The following TTC38 variants were observed in gnomAD, a reference collection of about 807,000 sequenced individuals.
TTC38 encodes tetratricopeptide repeat protein 38.
TTC38 carries 64 observed loss-of-function variants against 64.2 expected under a neutral mutation model. That is an observed-to-expected ratio of 1.00 (90% CI 0.81 to 1.23). The LOEUF (loss-of-function observed/expected upper bound fraction) is 1.23, where lower values mean the gene tolerates loss of function less well. Among genes scored for constraint, TTC38 ranks in the 50% most tolerant of loss-of-function variants. TTC38 has a pLI of 0.00. For synonymous variants in TTC38, 254 were observed against 249.3 expected (o/e 1.02, Z -0.18); for missense variants, 573 against 615.5 (o/e 0.93, Z 0.73).
rs1936959579 is a variant in TTC38, at chr22:46,274,182, C to T, written c.365+113C>T. On this transcript the variant is annotated intron_variant, in intron 4 of 13. Coordinates refer to ENST00000381031, the MANE Select transcript of TTC38 (RefSeq NM_017931.4). This position sits in a 1 kb window ranked among gnomAD's most constrained non-coding sequence, Gnocchi z 4.8. ...GGGGGCGGGGTGGGAGAATGCTTCT[C>T]TCCCTGCCTCCTGAGATGCTCTGAT... is the stretch of plus-strand genomic sequence containing the variant. The T allele has an allele frequency of 1.3e-5, 12 of 913,390 alleles. No homozygotes were observed. The highest frequency in any genetic ancestry group is 2.3e-5 in the Admixed American group (1 of 42,806). 56.6% of individuals were successfully genotyped at this position (913,390 alleles called of 1,614,324 possible).
rs1449471232 is a variant in TTC38 at position 46,273,011 on chromosome 22, T to A, written c.193+595T>A. On this transcript the variant is annotated intron_variant, in intron 3 of 13. Transcript: ENST00000381031. The surrounding 1 kb of genome is among the most constrained non-coding windows in gnomAD (Gnocchi z 5.1). ...AGAAGGTCTGATGAGGGGACAGGGC[T>A]CTTGTCAGTGCGGCAGGGACACCCT... Among the ~76,000 whole-genome samples the A allele has an allele frequency of 1.3e-5, 2 of 152,144 alleles. No homozygotes were observed. Among genetic ancestry groups the A allele is most frequent in the Non-Finnish European group, 2.9e-5 (2 of 68,008 alleles).
In TTC38 at chr22:46,281,933, CCA is replaced by C; in HGVS notation, c.735+217_735+218del. On this transcript the variant is annotated intron_variant, in intron 7 of 13. Coordinates refer to ENST00000381031, the MANE Select transcript of TTC38 (RefSeq NM_017931.4). The surrounding 1 kb of genome is among the most constrained non-coding windows in gnomAD (Gnocchi z 5.2). ...AGGCCCATACCTTGCCCTAGGGACT[CCA>C]CTGAGGGTCCAGCCCAGACTTCTCT... 1.5e-6 allele frequency: 1 copy of C among 684,596 alleles called. No homozygotes were observed. The highest frequency in any genetic ancestry group is 1.6e-5 in the South Asian group (1 of 63,662). 42.4% of individuals were successfully genotyped at this position (684,596 alleles called of 1,614,324 possible). A position where few individuals can be genotyped will look rare whatever the true frequency, so the allele number is the denominator to read the frequency against.
chr22:46,289,253 A>G (rs1281655851), intron 11 of TTC38, 149 bp from the exon 12 acceptor site: 1 of 1,031,894 alleles, frequency 9.7e-7, no homozygotes, highest in African/African-American at 1.6e-5. Context: ...TGTCCCCTCG[A>G]TGGGCTGCCC....
intron 11 of TTC38, among the ~76,000 whole-genome samples, chr22:46,288,905 C>T (rs2077591421): frequency 6.6e-6 from 1 of 152,230 alleles, no homozygotes; most frequent in Admixed American, 6.5e-5. Flanking sequence ...GCCCTGAAGC[C>T]AGAGACACCT....
At position 46,276,057 on chromosome 22, in the gene TTC38, A is replaced by G. The variant is rs756781898; in HGVS notation, c.539+636A>G. ...ACTGACTTCACTGCAGCTTCATTAC[A>G]GAATAGTTGTGAGGTTCGGACAGGT... is the stretch of plus-strand genomic sequence containing the variant. On this transcript the variant is annotated intron_variant, in intron 5 of 13. Transcript: ENST00000381031. This position sits in a 1 kb window ranked among gnomAD's most constrained non-coding sequence, Gnocchi z 4.7. 6.6e-6 allele frequency among the ~76,000 whole-genome samples: 1 copy of G among 152,218 alleles called. No individual in the cohort carries two copies. Among genetic ancestry groups the G allele is most frequent in the Non-Finnish European group, 1.5e-5 (1 of 68,040 alleles).
At chr22:46,268,399 GC>G in intron 1 of TTC38, 114 bp from the exon 2 acceptor site, 1 of 1,154,314 alleles carries the variant, frequency 8.7e-7, no homozygotes, top group South Asian at 1.3e-5. Context: ...GGGAGCCTGA[GC>G]CCATTTTACA....
rs368460103 is a variant in TTC38, at chr22:46,281,658, G to A, written c.675G>A (p.Glu225=). 4.3e-6 allele frequency: 7 copies of A among 1,614,060 alleles called. No homozygotes were observed. The highest frequency in any genetic ancestry group is 2.7e-5 in the African/African-American group (2 of 74,936). Residue 225 remains glutamate (E), a synonymous_variant, in exon 7 of 14, where the codon GAG becomes GAA. Transcript: ENST00000381031. This position sits in a 1 kb window ranked among gnomAD's most constrained non-coding sequence, Gnocchi z 5.2. Reference sequence around the variant, plus strand: ...TGCACACCGTCGCTCACATCCACGAGATGAAAGCAGAGATCAAGGATGGGT... The same window carrying A: ...TGCACACCGTCGCTCACATCCACGAAATGAAAGCAGAGATCAAGGATGGGT... ...WSVHTVAHIH[E]MKAEIKDGLE... is the part of the protein sequence containing the mutation.
At chr22:46,278,469 A>G (rs554914651) in intron 5 of TTC38, 117 bp from the exon 6 acceptor site, 8 of 842,378 alleles carry the variant, frequency 9.5e-6, no homozygotes, top group South Asian at 5.7e-5. Flanking sequence ...CTATTTCCAA[A>G]AAAGGTCACA....
intron 2 of TTC38, 145 bp downstream of exon 2, chr22:46,268,736 G>A (rs1936821790): frequency 1.3e-6 from 1 of 748,194 alleles, no homozygotes; most frequent in Non-Finnish European, 2.1e-6. Flanking sequence ...CCAGGCTGGA[G>A]TGCAGTGGCG....
rs1936994586 is a variant in TTC38, at chr22:46,275,751, C to T, written c.539+330C>T. Among the ~76,000 whole-genome samples the T allele has an allele frequency of 6.6e-6, 1 of 152,320 alleles. No individual in the cohort carries two copies. The highest frequency in any genetic ancestry group is 2.1e-4 in the South Asian group (1 of 4,828). ...ACCTTAGAAGGGCTGAGGGCTCTGC[C>T]ACCATGTCCTTGTCTCCATCTGGGA... On this transcript the variant is annotated intron_variant, in intron 5 of 13. Coordinates refer to ENST00000381031, the MANE Select transcript of TTC38 (RefSeq NM_017931.4). The surrounding 1 kb of genome is among the most constrained non-coding windows in gnomAD (Gnocchi z 4.5).
chr22:46,269,094 C>CT, intron 2 of TTC38: 3 of 420,946 alleles, frequency 7.1e-6, no homozygotes, highest in Non-Finnish European at 1.5e-5. Flanking sequence ...CTCTGCCCCC[C>CT]CCCCACAGCG....
chr22:46,282,704 G>A lies in TTC38; in HGVS notation c.735+986G>A, dbSNP rs1206635524. The stretch of plus-strand genomic sequence containing the variant: ...ACTGAGGTTTGTTTGAGGTTTCTGA[G>A]TGCTGGGCACTCTAGCTTGTTGAGG... On this transcript the variant is annotated intron_variant, in intron 7 of 13. Coordinates refer to ENST00000381031, the MANE Select transcript of TTC38 (RefSeq NM_017931.4). This position sits in a 1 kb window ranked among gnomAD's most constrained non-coding sequence, Gnocchi z 4.4. 1.3e-5 allele frequency among the ~76,000 whole-genome samples: 2 copies of A among 152,120 alleles called. No individual in the cohort carries two copies. The highest frequency in any genetic ancestry group is 2.1e-4 in the South Asian group (1 of 4,824).
intron 5 of TTC38, 103 bp from the exon 6 acceptor site, chr22:46,278,483 C>T (rs2082202879): frequency 4.2e-6 from 4 of 960,416 alleles, no homozygotes; most frequent in Middle Eastern, 2.1e-4. Context: ...GGTCACATTC[C>T]CAGTGCTGGC....
At chr22:46,283,851 C>CAAAAAA (rs58477670) in intron 7 of TTC38, 122 bp from the exon 8 acceptor site, 15 of 210,754 alleles carry the variant, frequency 7.1e-5, no homozygotes, top group East Asian at 1.6e-4. Flanking sequence ...GACTTAGTCT[C>CAAAAAA]AAAAAAAAAA....
rs1156529656 is a variant in TTC38 at position 46,281,302 on chromosome 22, G to A, written c.616-297G>A. 2.0e-5 allele frequency among the ~76,000 whole-genome samples: 3 copies of A among 152,362 alleles called. No individual in the cohort carries two copies. Among genetic ancestry groups the A allele is most frequent in the Admixed American group, 6.5e-5 (1 of 15,308 alleles). ...TGTATGCAGAATGCTGTGGGCTTGG[G>A]TCTGAGCCCTGGCTTTAGAAAGATC... On this transcript the variant is annotated intron_variant, in intron 6 of 13. Coordinates refer to ENST00000381031, the MANE Select transcript of TTC38 (RefSeq NM_017931.4). The surrounding 1 kb of genome is among the most constrained non-coding windows in gnomAD (Gnocchi z 5.2).
chr22:46,286,533 C>A (rs2077572820), intron 9 of TTC38, among the ~76,000 whole-genome samples: 1 of 151,994 alleles, frequency 6.6e-6, no homozygotes, highest in African/African-American at 2.4e-5. Context: ...TGGTGGTGGG[C>A]ACCTGTAATC....
In TTC38 at chr22:46,270,663, T is replaced by C. The variant is rs1283609789; in HGVS notation, c.112-1672T>C. On this transcript the variant is annotated intron_variant, in intron 2 of 13. Coordinates refer to ENST00000381031, the MANE Select transcript of TTC38 (RefSeq NM_017931.4). This position sits in a 1 kb window ranked among gnomAD's most constrained non-coding sequence, Gnocchi z 4.7. ...GCCTGGCCAACATGGTGAAACCCTGTCTCTACTAAAAATATAAAAAAATTA... is the reference window on the plus strand; with the variant it reads ...GCCTGGCCAACATGGTGAAACCCTGCCTCTACTAAAAATATAAAAAAATTA... Among the ~76,000 whole-genome samples the C allele has an allele frequency of 1.3e-5, 2 of 151,986 alleles. No homozygotes were observed. Among genetic ancestry groups the C allele is most frequent in the Non-Finnish European group, 2.9e-5 (2 of 67,988 alleles).
rs529843130 is a variant in TTC38, at chr22:46,291,166, C to T, written c.1316+1267C>T. 2.8e-4 allele frequency among the ~76,000 whole-genome samples: 42 copies of T among 152,348 alleles called. No homozygotes were observed. The highest frequency in any genetic ancestry group is 4.0e-4 in the Non-Finnish European group (27 of 68,030). ...TAAAATGTCTTGGACGCATGCTCCC[C>T]GCTTTCCCCTTCCATGGCTGTAGAC... On this transcript the variant is annotated intron_variant, in intron 13 of 13. Coordinates refer to ENST00000381031, the MANE Select transcript of TTC38 (RefSeq NM_017931.4). This position sits in a 1 kb window ranked among gnomAD's most constrained non-coding sequence, Gnocchi z 4.6.
At chr22:46,286,964 C>CA in intron 9 of TTC38, 109 bp from the exon 10 acceptor site, 1 of 778,654 alleles carries the variant, frequency 1.3e-6, no homozygotes, top group Non-Finnish European at 2.1e-6. Flanking sequence ...TGGCAGAGGG[C>CA]TTGCTCTATG....
Sources: allele counts gnomAD v4.1 joint callset (sites outside exome capture counted in the v4.1 genomes callset), GRCh38; gene constraint gnomAD v4.1.1; non-coding constraint Gnocchi (gnomAD v3.1); transcripts MANE v1.5; gene names NCBI Gene and HGNC (gene_info 2026-07-23, HGNC 2026-07-21).